The following GALNT13 variants were observed in gnomAD, a reference collection of about 807,000 sequenced individuals.
GALNT13 encodes the protein UDP-GalNAc:polypeptide N-acetylgalactosaminyltransferase 13.
In GALNT13, 28 loss-of-function variants were observed where a neutral mutation model predicts 64.2. That is an observed-to-expected ratio of 0.44 (90% CI 0.32 to 0.60). GALNT13 has a LOEUF of 0.60. GALNT13 is among the 20% of genes least tolerant of loss of function. The pLI is 0.05. For synonymous variants in GALNT13, 214 were observed against 224.6 expected (o/e 0.95, Z 0.42); for missense variants, 577 against 669.8 (o/e 0.86, Z 1.53).
chr2:153,983,251 A>G (rs922990019), intron 3 of GALNT13, among the ~76,000 whole-genome samples: 1 of 151,900 alleles, frequency 6.6e-6, no homozygotes, highest in Non-Finnish European at 1.5e-5. Context: ...AGAATTTTCA[A>G]AGAAATCTGA....
chr2:153,576,163 C>T, the GALNT13 span, among the ~76,000 whole-genome samples: 1 of 152,102 alleles, frequency 6.6e-6, no homozygotes, highest in African/African-American at 2.4e-5. Context: ...CTTTCCTCTC[C>T]TCTCCTCAAG....
chr2:153,826,937 A>C, the GALNT13 span, among the ~76,000 whole-genome samples: 3 of 152,206 alleles, frequency 2.0e-5, no homozygotes, highest in African/African-American at 4.8e-5. Flanking sequence ...ACAGAATGAA[A>C]CAGAAGGAAG....
the GALNT13 span, among the ~76,000 whole-genome samples, chr2:153,368,388 A>G: frequency 6.6e-6 from 1 of 152,108 alleles, no homozygotes; most frequent in Admixed American, 6.6e-5. Context: ...CCAGAACCCA[A>G]CCATGCTATC....
chr2:154,029,908 A>T (rs1014386010), intron 3 of GALNT13, among the ~76,000 whole-genome samples: 2 of 152,156 alleles, frequency 1.3e-5, no homozygotes, highest in African/African-American at 4.8e-5. Flanking sequence ...TAGCAACAAA[A>T]GTGAAGAATG....
chr2:154,399,869 T>G (rs1204913004), intron 10 of GALNT13, among the ~76,000 whole-genome samples: 1 of 152,104 alleles, frequency 6.6e-6, no homozygotes, highest in East Asian at 1.9e-4. Context: ...TCAGTAGAAG[T>G]AAAAGATGCC....
the GALNT13 span, among the ~76,000 whole-genome samples, chr2:153,365,986 T>A: frequency 6.6e-6 from 1 of 152,114 alleles, no homozygotes; most frequent in Admixed American, 6.6e-5. Flanking sequence ...GACTTGGAAC[T>A]AACCCAAATG....
chr2:154,205,297 G>GT (rs1277159015), intron 4 of GALNT13, among the ~76,000 whole-genome samples: 2 of 152,096 alleles, frequency 1.3e-5, no homozygotes, highest in Non-Finnish European at 1.5e-5. Flanking sequence ...GTCTTAAAAA[G>GT]TTTTTTATTT....
intron 2 of GALNT13, among the ~76,000 whole-genome samples, chr2:153,939,740 AC>A (rs1444355233): frequency 4.3e-4 from 65 of 152,316 alleles, no homozygotes; most frequent in African/African-American, 1.4e-3. Flanking sequence ...AATATGTGTT[AC>A]TACTAGTAAT....
the GALNT13 span, among the ~76,000 whole-genome samples, chr2:153,639,541 C>T: frequency 6.6e-6 from 1 of 151,930 alleles, no homozygotes; most frequent in Non-Finnish European, 1.5e-5. Context: ...TAGCAGTGTG[C>T]AAGAAGTCAA....
At chr2:153,203,096 A>G in the GALNT13 span, among the ~76,000 whole-genome samples, 1 of 152,132 alleles carries the variant, frequency 6.6e-6, no homozygotes, top group Non-Finnish European at 1.5e-5. Flanking sequence ...GTAAGGAAGG[A>G]TGTTACTTGT....
chr2:153,547,200 G>C, the GALNT13 span, among the ~76,000 whole-genome samples: 35 of 152,282 alleles, frequency 2.3e-4, no homozygotes, highest in East Asian at 6.2e-3. Flanking sequence ...CTTACAAAAT[G>C]CACCCATGTG....
At chr2:153,377,584 C>T in the GALNT13 span, among the ~76,000 whole-genome samples, 4 of 152,118 alleles carry the variant, frequency 2.6e-5, no homozygotes, top group Non-Finnish European at 4.4e-5. Flanking sequence ...TCCCTGCACA[C>T]CTCGGCTTGC....
At chr2:153,724,530 G>C in the GALNT13 span, among the ~76,000 whole-genome samples, 1 of 106,878 alleles carries the variant, frequency 9.4e-6, no homozygotes, top group Admixed American at 9.7e-5. Flanking sequence ...CCTACAACAT[G>C]GGAGAAAATT....
chr2:153,767,023 G>A, the GALNT13 span, among the ~76,000 whole-genome samples: 1 of 152,080 alleles, frequency 6.6e-6, no homozygotes, highest in East Asian at 1.9e-4. Context: ...TACTGGTGGG[G>A]ATTGGGCTTC....
At chr2:153,489,184 A>G in the GALNT13 span, among the ~76,000 whole-genome samples, 1 of 152,220 alleles carries the variant, frequency 6.6e-6, no homozygotes, top group African/African-American at 2.4e-5. Flanking sequence ...AACGTACACT[A>G]TTTAGGTGAT....
the GALNT13 span, among the ~76,000 whole-genome samples, chr2:153,864,220 A>T: frequency 6.6e-6 from 1 of 152,196 alleles, no homozygotes; most frequent in East Asian, 1.9e-4. Context: ...TCTCCGTGGT[A>T]CTGAAATATC....
the GALNT13 span, among the ~76,000 whole-genome samples, chr2:153,384,674 T>C: frequency 6.6e-6 from 1 of 152,186 alleles, no homozygotes; most frequent in East Asian, 1.9e-4. Flanking sequence ...TAAAAAACAA[T>C]GTCCCACTCA....
the GALNT13 span, among the ~76,000 whole-genome samples, chr2:153,760,984 T>A: frequency 6.6e-6 from 1 of 152,134 alleles, no homozygotes; most frequent in Non-Finnish European, 1.5e-5. Flanking sequence ...TGTAATAACC[T>A]TCTTTATCTT....
At chr2:153,630,816 T>TATTTA in the GALNT13 span, among the ~76,000 whole-genome samples, 51 of 87,230 alleles carry the variant, frequency 5.8e-4, 1 homozygote, top group African/African-American at 1.2e-3. Flanking sequence ...TATTTTTTTT[T>TATTTA]TTTTTTTTAT....
Sources: allele counts gnomAD v4.1 joint callset (sites outside exome capture counted in the v4.1 genomes callset), GRCh38; gene constraint gnomAD v4.1.1; transcripts MANE v1.5; gene names NCBI Gene and HGNC (gene_info 2026-07-23, HGNC 2026-07-21).